The following VANGL1 variants were observed in gnomAD, a reference collection of about 807,000 sequenced individuals.
VANGL1 encodes VANGL planar cell polarity protein 1.
In VANGL1, 18 loss-of-function variants were observed where a neutral mutation model predicts 48.4. The ratio of observed to expected loss-of-function variants is 0.37; its 90% CI spans 0.26 to 0.55. VANGL1 has a LOEUF of 0.55. VANGL1 is among the 20% of genes least tolerant of loss of function. The probability of loss-of-function intolerance (pLI) is 0.81; values close to 1 mark genes in which losing one functional copy is unlikely to be tolerated. For synonymous variants in VANGL1, 257 were observed against 261.8 expected, an observed-to-expected ratio of 0.98 and a Z score of 0.18; for missense variants, 667 against 675.8, an observed-to-expected ratio of 0.99 and a Z score of 0.14.
chr1:115,673,989 C>T (rs2101017653), intron 4 of VANGL1, among the ~76,000 whole-genome samples: 1 of 152,294 alleles, frequency 6.6e-6, no homozygotes, highest in East Asian at 1.9e-4. Context: ...AGGTCACATT[C>T]TGAAGTTCTG....
At chr1:115,677,240 T>G (rs1374410297) in intron 4 of VANGL1, among the ~76,000 whole-genome samples, 2 of 152,252 alleles carry the variant, frequency 1.3e-5, no homozygotes, top group African/African-American at 4.8e-5. Context: ...TTTCCAGGTC[T>G]GTTTAAGAAA....
chr1:115,680,009 GTGTGTGTGTGTGT>G (rs1653318853), intron 4 of VANGL1, among the ~76,000 whole-genome samples: 2 of 95,628 alleles, frequency 2.1e-5, no homozygotes, highest in African/African-American at 4.3e-5. Flanking sequence ...GTGTGTGTGT[GTGTGTGTGTGTGT>G]ATGTGAGAGA....
chr1:115,671,993 T>A (rs1014902732), intron 4 of VANGL1, among the ~76,000 whole-genome samples: 3 of 152,232 alleles, frequency 2.0e-5, no homozygotes, highest in African/African-American at 7.2e-5. Context: ...GTTGACAACC[T>A]TGTATTGCTT....
rs1221331642 is a variant in VANGL1, at chr1:115,692,854, G to C, written c.*1475G>C. On this transcript the variant is annotated 3_prime_UTR_variant, in exon 8 of 8. Transcript: ENST00000355485. ...AAACCTTTTAAAAGTGTTCACTCTT[G>C]CTTTTTCCAGTATTTCGGTAATCAG... 2 of 152,386 alleles carry C rather than the reference G, an allele frequency of 1.3e-5. No individual in the cohort carries two copies. The highest frequency in any genetic ancestry group is 3.9e-4 in the East Asian group (2 of 5,180). The allele number at this position is 152,386 out of a possible 1,614,324, so 9.4% of individuals were successfully genotyped here. A position where few individuals can be genotyped will look rare whatever the true frequency, so the allele number is the denominator to read the frequency against.
intron 1 of VANGL1, among the ~76,000 whole-genome samples, chr1:115,649,653 A>G (rs777137750): frequency 1.3e-4 from 20 of 152,156 alleles, no homozygotes; most frequent in Non-Finnish European, 2.4e-4. Context: ...CAACCCTGAT[A>G]TTTGCATTTT....
chr1:115,685,052 G>A (rs1236751171), intron 6 of VANGL1, among the ~76,000 whole-genome samples: 1 of 152,158 alleles, frequency 6.6e-6, no homozygotes, highest in African/African-American at 2.4e-5. Context: ...TCATCTCCCA[G>A]TCCTGGGGCT....
At chr1:115,673,288 T>G (rs946528388) in intron 4 of VANGL1, among the ~76,000 whole-genome samples, 1 of 152,222 alleles carries the variant, frequency 6.6e-6, no homozygotes, top group African/African-American at 2.4e-5. Flanking sequence ...GCCGCTTACC[T>G]GCCTCCACCC....
intron 4 of VANGL1, among the ~76,000 whole-genome samples, chr1:115,681,491 CTT>C (rs1287173554): frequency 8.8e-6 from 1 of 113,658 alleles, no homozygotes; most frequent in East Asian, 3.0e-4. Context: ...CGGAGGCTCT[CTT>C]TTTTTTGTTG....
In VANGL1 at chr1:115,664,209, G is replaced by A. The variant is rs766252819; in HGVS notation, c.753G>A (p.Thr251=). 12 of 1,613,940 alleles carry A rather than the reference G, an allele frequency of 7.4e-6. No homozygotes were observed. The highest frequency in any genetic ancestry group is 5.3e-5 in the African/African-American group (4 of 74,908). Residue 251 remains threonine (T), a synonymous_variant, in exon 4 of 8, where the codon ACG becomes ACA. Coordinates refer to ENST00000355485, the MANE Select transcript of VANGL1 (RefSeq NM_138959.3). The part of the protein sequence containing the change: ...LELRQLQPMF[T]LQVVRSTDGE... ...TCAGGCAGCTGCAGCCCATGTTCAC[G>A]CTGCAGGTGGTCCGCTCCACCGATG...
chr1:115,662,008 C>T (rs752509904), intron 3 of VANGL1, among the ~76,000 whole-genome samples: 34 of 152,234 alleles, frequency 2.2e-4, no homozygotes, highest in Non-Finnish European at 4.1e-4. Flanking sequence ...TATATGAAAC[C>T]GCCAGAGTGG....
chr1:115,685,681 A>G (rs1275547825), intron 7 of VANGL1, among the ~76,000 whole-genome samples, 154 bp downstream of exon 7: 9 of 152,204 alleles, frequency 5.9e-5, no homozygotes, highest in Admixed American at 5.9e-4. Flanking sequence ...ATTTTATGTT[A>G]TGTTAGTACA....
intron 3 of VANGL1, among the ~76,000 whole-genome samples, chr1:115,661,022 T>G (rs1373529830): frequency 6.6e-6 from 1 of 152,110 alleles, no homozygotes; most frequent in East Asian, 1.9e-4. Context: ...GGCTCTTCTT[T>G]CTCTGCATCT....
Position 115,659,649 on chromosome 1 carries a change from C to G in VANGL1, c.80C>G (p.Thr27Ser). 1.2e-6 allele frequency: 2 copies of G among 1,613,900 alleles called. No homozygotes were observed. The highest frequency in any genetic ancestry group is 2.7e-5 in the African/African-American group (2 of 74,946). ...SKKSHRQGERTRERHKSPRNK... is the reference protein window; with the variant it reads ...SKKSHRQGERSRERHKSPRNK... ...TCATTGTTGTTTTTCAGGGAAAGAA[C>G]TAGAGAGAGACACAAGTCACCCCGG... The change falls in exon 3 of 8, where the codon ACT (threonine) becomes AGT (serine). Residue 27 changes from threonine to serine, a missense_variant. Transcript: ENST00000355485.
Position 115,685,333 on chromosome 1 carries a change from C to T in VANGL1, c.1120C>T (p.Arg374Cys), listed in dbSNP as rs776979539. The T allele has an allele frequency of 2.2e-5, 36 of 1,614,064 alleles. No homozygotes were observed. Among genetic ancestry groups the T allele is most frequent in the African/African-American group, 8.0e-5 (6 of 74,924 alleles). Residue 374 changes from arginine (R) to cysteine (C), a missense_variant, in exon 7 of 8, where the codon CGT becomes TGT. By Grantham distance (180) the Arg-to-Cys change is radical (BLOSUM62 -3). Coordinates refer to ENST00000355485, the MANE Select transcript of VANGL1 (RefSeq NM_138959.3). Reference protein sequence around the residue: ...AVEEAFIHIQRLQAEEQQKAP... With the variant: ...AVEEAFIHIQCLQAEEQQKAP... The stretch of plus-strand genomic sequence containing the variant: ...GGAAGAGGCCTTCATCCACATTCAG[C>T]GTCTCCAGGCTGAGGAGCAGCAGAA...
At position 115,685,599 on chromosome 1, in the gene VANGL1, C is replaced by T. The variant is rs12145661; in HGVS notation, c.1314+72C>T. On this transcript the variant is annotated intron_variant, in intron 7 of 7. Coordinates refer to ENST00000355485, the MANE Select transcript of VANGL1 (RefSeq NM_138959.3). The stretch of plus-strand genomic sequence containing the variant: ...CTGAGCTTGGCCAGTTGAATTATAG[C>T]GTGTTACTAGAAGTGATAAAATCGA... 858,857 of 1,462,610 alleles carry T rather than the reference C, an allele frequency of 0.59. 256,017 individuals are homozygous for T. The highest frequency in any genetic ancestry group is 0.74 in the East Asian group (31,554 of 42,498). 90.6% of individuals were successfully genotyped at this position (1,462,610 alleles called of 1,614,324 possible). A position where few individuals can be genotyped will look rare whatever the true frequency, so the allele number is the denominator to read the frequency against.
At chr1:115,670,562 G>A (rs962472617) in intron 4 of VANGL1, among the ~76,000 whole-genome samples, 1 of 152,136 alleles carries the variant, frequency 6.6e-6, no homozygotes, top group Admixed American at 6.5e-5. Flanking sequence ...TGTAATTCTG[G>A]GTCAAGTAAT....
In VANGL1 at chr1:115,688,792, T is replaced by C. The variant is rs551762896; in HGVS notation, c.1315-2327T>C. On this transcript the variant is annotated intron_variant, in intron 7 of 7. Transcript: ENST00000355485. ...ATTCTTCTAATTTATATTTCTTCTT[T>C]TTTTTTTTTTTCTTTGAGACGGAGT... Among the ~76,000 whole-genome samples the C allele has an allele frequency of 4.9e-4, 66 of 134,822 alleles. 12 individuals carry two copies. The South Asian group carries it at 5.1e-3, about 10-fold the overall frequency. 88.4% of individuals were successfully genotyped at this position (134,822 alleles called of 152,430 possible). A position where few individuals can be genotyped will look rare whatever the true frequency, so the allele number is the denominator to read the frequency against.
chr1:115,651,527 C>G (rs1319531312), intron 2 of VANGL1, 43 bp downstream of exon 2: 1 of 1,583,404 alleles, frequency 6.3e-7, no homozygotes, highest in South Asian at 1.1e-5. Context: ...TTTGGGGAAA[C>G]CTACAGGTTG....
intron 1 of VANGL1, among the ~76,000 whole-genome samples, chr1:115,647,336 T>A (rs771574866): frequency 5.3e-5 from 8 of 152,320 alleles, no homozygotes; most frequent in Non-Finnish European, 1.0e-4. Flanking sequence ...CTTTATTGTC[T>A]TTTCTGATAA....
Sources: allele counts gnomAD v4.1 joint callset (sites outside exome capture counted in the v4.1 genomes callset), GRCh38; gene constraint gnomAD v4.1.1; transcripts MANE v1.5; gene names NCBI Gene and HGNC (gene_info 2026-07-23, HGNC 2026-07-21).